CACNA1D: variants seen among roughly 807,000 people sequenced by gnomAD.
The protein encoded by CACNA1D is calcium voltage-gated channel subunit alpha1 D, also known as voltage-dependent L-type calcium channel subunit alpha-1D.
Under a neutral mutation model 257.1 loss-of-function variants are expected in CACNA1D, and 55 were observed. That is an observed-to-expected ratio of 0.21 (90% CI 0.17 to 0.27). CACNA1D has a LOEUF of 0.27. Among genes scored for constraint, CACNA1D ranks in the 10% least tolerant of loss-of-function variants. The probability of loss-of-function intolerance (pLI) is 1.00; values close to 1 mark genes in which losing one functional copy is unlikely to be tolerated. For missense variants in CACNA1D, 1,876 were observed against 2,784.0 expected (o/e 0.67, Z 7.34); for synonymous variants, 980 against 1,014.9 (o/e 0.97, Z 0.65).
rs760332264 is a variant in CACNA1D at position 53,749,412 on chromosome 3, T to G, written c.3459T>G (p.Val1153=). The G allele has an allele frequency of 1.2e-6, 2 of 1,613,926 alleles. No homozygotes were observed. The highest frequency in any genetic ancestry group is 1.7e-6 in the Non-Finnish European group (2 of 1,179,872). The stretch of plus-strand genomic sequence containing the variant: ...ACATCTTTGTGGGCTTTGTCATCGT[T>G]ACATTTCAGGAACAAGGAGAAAAAG... ...MMNIFVGFVI[V]TFQEQGEKEY... The change falls in exon 27 of 48, where the codon GTT becomes GTG. Residue 1153 remains valine (V), a synonymous_variant. Transcript: ENST00000350061.
chr3:53,576,067 G>C (rs1376262322), intron 3 of CACNA1D, among the ~76,000 whole-genome samples: 1 of 152,182 alleles, frequency 6.6e-6, no homozygotes, highest in African/African-American at 2.4e-5. Context: ...AAAGCTACAA[G>C]ACGCTGATGG....
chr3:53,805,191 G>A (rs369346909), intron 45 of CACNA1D, 45 bp downstream of exon 45: 8 of 1,584,250 alleles, frequency 5.0e-6, no homozygotes, highest in Admixed American at 1.7e-5. Flanking sequence ...CCGGGGAACA[G>A]TGTACCTCTC....
chr3:53,545,874 TTTTCTG>T lies in CACNA1D; in HGVS notation c.483+44155_483+44160del, dbSNP rs527363599. ...CTATTGTGCGTGCTGATGTAATTCT[TTTTCTG>T]CAAGCCCTCTGTGGTTTATCACTTT... On this transcript the variant is annotated intron_variant, in intron 3 of 47. Transcript: ENST00000350061. 1.1e-4 allele frequency among the ~76,000 whole-genome samples: 17 copies of T among 152,278 alleles called. No homozygotes were observed. The East Asian group carries it at 3.3e-3, about 29-fold the overall frequency.
rs575261821 is a variant in CACNA1D at position 53,496,075 on chromosome 3, G to A, written c.67+842G>A. Among the ~76,000 whole-genome samples, 5 of 152,320 alleles carry A rather than the reference G, an allele frequency of 3.3e-5. No homozygotes were observed. The East Asian group carries it at 9.6e-4, about 29-fold the overall frequency. On this transcript the variant is annotated intron_variant, in intron 1 of 47. Transcript: ENST00000350061. ...TCCCCGCTCCGATTGCCCGCCGCTCGCCCGCTTTGCCCTCTTCTCAGGCTT... is the reference window on the plus strand; with the variant it reads ...TCCCCGCTCCGATTGCCCGCCGCTCACCCGCTTTGCCCTCTTCTCAGGCTT...
chr3:53,639,678 G>A (rs1906537), intron 3 of CACNA1D, among the ~76,000 whole-genome samples: 30,579 of 151,664 alleles, frequency 0.2, 3,527 homozygotes, highest in East Asian at 0.4. Context: ...GAGCCACCGC[G>A]CCCGGCTGAG....
intron 3 of CACNA1D, among the ~76,000 whole-genome samples, chr3:53,530,852 T>G (rs542869723): frequency 6.3e-4 from 95 of 151,880 alleles, no homozygotes; most frequent in Non-Finnish European, 1.1e-3. Flanking sequence ...ATCCTCCTTT[T>G]CTTTTTTTTT....
At chr3:53,648,987 G>A (rs1307953440) in intron 3 of CACNA1D, among the ~76,000 whole-genome samples, 1 of 152,202 alleles carries the variant, frequency 6.6e-6, no homozygotes, top group Non-Finnish European at 1.5e-5. Context: ...TATATGACCA[G>A]TGAAGAGTGG....
intron 3 of CACNA1D, among the ~76,000 whole-genome samples, chr3:53,575,877 A>G (rs987925058): frequency 6.6e-6 from 1 of 152,244 alleles, no homozygotes; most frequent in Non-Finnish European, 1.5e-5. Flanking sequence ...AGTCACTAAG[A>G]GAATCCTCAA....
At chr3:53,757,916 C>G (rs2095275685) in intron 29 of CACNA1D, among the ~76,000 whole-genome samples, 1 of 152,218 alleles carries the variant, frequency 6.6e-6, no homozygotes, top group Non-Finnish European at 1.5e-5. Flanking sequence ...ACCATCGTTA[C>G]CAACACTACT....
intron 29 of CACNA1D, among the ~76,000 whole-genome samples, chr3:53,761,031 C>T (rs939007284): frequency 1.3e-5 from 2 of 152,140 alleles, no homozygotes; most frequent in Admixed American, 6.5e-5. Flanking sequence ...GCCGGGACTG[C>T]GAAGGTTCCA....
chr3:53,766,471 A>T (rs11719163), intron 30 of CACNA1D, among the ~76,000 whole-genome samples: 4 of 152,118 alleles, frequency 2.6e-5, no homozygotes, highest in Non-Finnish European at 5.9e-5. Context: ...TTTGCTTCCT[A>T]TCTGAATTAG....
At chr3:53,713,707 C>G (rs540186070) in intron 9 of CACNA1D, among the ~76,000 whole-genome samples, 1 of 152,172 alleles carries the variant, frequency 6.6e-6, no homozygotes, top group Non-Finnish European at 1.5e-5. Flanking sequence ...GTGGCATTGC[C>G]CATGATAACA....
At chr3:53,680,777 C>T (rs2094422717) in intron 8 of CACNA1D, among the ~76,000 whole-genome samples, 1 of 152,168 alleles carries the variant, frequency 6.6e-6, no homozygotes, top group South Asian at 2.1e-4. Context: ...TTGTGAGAAA[C>T]AAATTGATGA....
chr3:53,614,891 AATTCATCAC>A (rs2093620581), intron 3 of CACNA1D, among the ~76,000 whole-genome samples: 1 of 152,192 alleles, frequency 6.6e-6, no homozygotes, highest in Non-Finnish European at 1.5e-5. Context: ...TTACTCCTCA[AATTCATCAC>A]ACTCCTGTGG....
Position 53,735,367 on chromosome 3 carries a change from C to T in CACNA1D, c.2622-7C>T. 1 of 1,614,002 alleles carries T rather than the reference C, an allele frequency of 6.2e-7. No homozygotes were observed. The highest frequency in any genetic ancestry group is 8.5e-7 in the Non-Finnish European group (1 of 1,179,862). ...GACTGTTTCCAAGCAGCGGCTTTTCCCTGCAGGATCCGCGTAGGCTGCCAC... is the reference window on the plus strand; with the variant it reads ...GACTGTTTCCAAGCAGCGGCTTTTCTCTGCAGGATCCGCGTAGGCTGCCAC... On this transcript the variant is annotated splice_region_variant and splice_polypyrimidine_tract_variant and intron_variant, in intron 19 of 47. Transcript: ENST00000350061.
At chr3:53,580,336 A>G (rs146820835) in intron 3 of CACNA1D, among the ~76,000 whole-genome samples, 8 of 152,352 alleles carry the variant, frequency 5.3e-5, no homozygotes, top group African/African-American at 1.2e-4. Context: ...TTCCACTGAC[A>G]GTGAGTACTG....
chr3:53,685,214 G>A (rs569963254), intron 8 of CACNA1D, among the ~76,000 whole-genome samples: 13 of 151,958 alleles, frequency 8.6e-5, no homozygotes, highest in Non-Finnish European at 1.9e-4. Flanking sequence ...CCAGAAATAG[G>A]GACATTTCAG....
chr3:53,734,100 TCA>T (rs2095032994), intron 19 of CACNA1D, among the ~76,000 whole-genome samples: 1 of 150,124 alleles, frequency 6.7e-6, no homozygotes, highest in Non-Finnish European at 1.5e-5. Context: ...ACTCCTGCCC[TCA>T]CTAGCTTGGA....
chr3:53,650,144 G>A (rs558576761), intron 3 of CACNA1D, among the ~76,000 whole-genome samples: 1 of 152,338 alleles, frequency 6.6e-6, no homozygotes, highest in East Asian at 1.9e-4. Flanking sequence ...GCCGGGAGAG[G>A]CGGCATGCCA....
Sources: gnomAD v4.1 joint callset for allele counts (sites outside exome capture counted in the v4.1 genomes callset) on GRCh38, gnomAD v4.1.1 for gene constraint, MANE v1.5 for transcripts, NCBI Gene and HGNC (gene_info 2026-07-23, HGNC 2026-07-21) for gene names.